MORN1: variants seen among roughly 807,000 people sequenced by gnomAD.
MORN1 encodes MORN repeat containing 1.
A neutral mutation model predicts 61.9 loss-of-function variants in MORN1; 67 were observed. The observed-to-expected ratio is 1.08, with a 90% CI of 0.89 to 1.33. The LOEUF is 1.33. Among genes scored for constraint, MORN1 ranks in the 40% most tolerant of loss-of-function variants. MORN1 has a pLI of 0.00. For missense variants in MORN1, 752 were observed against 691.2 expected, an observed-to-expected ratio of 1.09 and a Z score of -0.99; for synonymous variants, 301 against 292.0, an observed-to-expected ratio of 1.03 and a Z score of -0.31.
intron 8 of MORN1, among the ~76,000 whole-genome samples, chr1:2,364,652 T>C (rs1293359659): frequency 2.0e-5 from 3 of 150,678 alleles, no homozygotes; most frequent in South Asian, 4.3e-4. Context: ...ATGTCCTGAA[T>C]GGTAAAGCCT....
At chr1:2,324,231 C>T in intron 12 of MORN1, 88 bp from the exon 13 acceptor site, 1 of 1,399,438 alleles carries the variant, frequency 7.1e-7, no homozygotes, top group Non-Finnish European at 9.8e-7. Flanking sequence ...GCTAGTGGCT[C>T]CAGGGCAGAT....
In MORN1 at chr1:2,372,091, G is replaced by A; in HGVS notation, c.745+390C>T. 1 of 230,992 alleles carries A rather than the reference G, an allele frequency of 4.3e-6. No homozygotes were observed. Among genetic ancestry groups the A allele is most frequent in the Non-Finnish European group, 8.8e-6 (1 of 114,086 alleles). The allele number at this position is 230,992 out of a possible 1,614,324, so 14.3% of individuals were successfully genotyped here. A position where few individuals can be genotyped will look rare whatever the true frequency, so the allele number is the denominator to read the frequency against. ...CTGCGATGGCCAGCAGCGGATGAGT[G>A]GGGAAGCAGAAAGTAGCCCCTCACT... On this transcript the variant is annotated intron_variant, in intron 8 of 13. Transcript: ENST00000378531. This position sits in a 1 kb window ranked among gnomAD's most constrained non-coding sequence, Gnocchi z 5.4.
At chr1:2,383,561 T>A (rs1642418844) in intron 6 of MORN1, among the ~76,000 whole-genome samples, 1 of 152,202 alleles carries the variant, frequency 6.6e-6, no homozygotes, top group Non-Finnish European at 1.5e-5. Flanking sequence ...ACCCACACAA[T>A]TAAATGTTGC....
intron 12 of MORN1, among the ~76,000 whole-genome samples, chr1:2,335,197 C>G (rs1312788706): frequency 6.6e-6 from 1 of 152,276 alleles, no homozygotes; most frequent in African/African-American, 2.4e-5. Context: ...CGAGCGTTCC[C>G]CACGAGGGGC....
intron 12 of MORN1, among the ~76,000 whole-genome samples, chr1:2,335,731 G>A: frequency 6.6e-6 from 1 of 152,076 alleles, no homozygotes; most frequent in Non-Finnish European, 1.5e-5. Flanking sequence ...TGGTCACTCT[G>A]CGAGCAACCC....
chr1:2,388,470 C>G (rs142787630), intron 2 of MORN1, 133 bp from the exon 3 acceptor site: 25 of 661,178 alleles, frequency 3.8e-5, no homozygotes, highest in African/African-American at 2.7e-4. Context: ...ATCACTCATG[C>G]TATACATGTA....
intron 10 of MORN1, among the ~76,000 whole-genome samples, chr1:2,344,019 C>A (rs1641457547): frequency 6.6e-6 from 1 of 152,092 alleles, no homozygotes. Context: ...GGACAACTTC[C>A]CTGGGACCTC....
At chr1:2,345,829 C>CCACA (rs57669691) in intron 10 of MORN1, among the ~76,000 whole-genome samples, 2,471 of 149,056 alleles carry the variant, frequency 0.017, 38 homozygotes, top group Middle Eastern at 0.041. Flanking sequence ...ATGTATGCGG[C>CCACA]CACACACACA....
chr1:2,374,776 G>A (rs1477995550), intron 6 of MORN1: 1 of 519,438 alleles, frequency 1.9e-6, no homozygotes, highest in Non-Finnish European at 3.4e-6. Flanking sequence ...TACTCCCTTT[G>A]GAATTTTAAC....
At chr1:2,323,866 G>A in intron 13 of MORN1, 1 of 985,246 alleles carries the variant, frequency 1.0e-6, no homozygotes, top group Non-Finnish European at 1.2e-6. Flanking sequence ...CAAGGGCTGT[G>A]TCGGCCCAGC....
chr1:2,324,038 G>T, intron 13 of MORN1, 59 bp downstream of exon 13: 2 of 1,541,586 alleles, frequency 1.3e-6, no homozygotes, highest in Non-Finnish European at 1.7e-6. Context: ...CCTGGGCTGC[G>T]GCCTCGCCTC....
intron 1 of MORN1, among the ~76,000 whole-genome samples, chr1:2,390,197 T>C (rs1642613062): frequency 6.6e-6 from 1 of 152,178 alleles, no homozygotes; most frequent in Non-Finnish European, 1.5e-5. Flanking sequence ...TTTGTTTATG[T>C]GACAAGGATG....
chr1:2,357,667 G>T lies in MORN1; in HGVS notation c.870-69C>A. ...AAACTAGGGTGCAGGCAGACAGCGT[G>T]GCCCACGCCCTGGACCCTGGGACTT... On this transcript the variant is annotated intron_variant, in intron 9 of 13. Transcript: ENST00000378531. This position sits in a 1 kb window ranked among gnomAD's most constrained non-coding sequence, Gnocchi z 6.3. 5 of 1,506,508 alleles carry T rather than the reference G, an allele frequency of 3.3e-6. No individual in the cohort carries two copies. The South Asian group carries it at 6.6e-5, about 20-fold the overall frequency. 93.3% of individuals were successfully genotyped at this position (1,506,508 alleles called of 1,614,324 possible).
At chr1:2,354,671 G>A (rs1473565778) in intron 10 of MORN1, among the ~76,000 whole-genome samples, 2 of 152,218 alleles carry the variant, frequency 1.3e-5, no homozygotes, top group Non-Finnish European at 2.9e-5. Flanking sequence ...GGCGCCCCCT[G>A]CACAGGCCTG....
intron 8 of MORN1, among the ~76,000 whole-genome samples, chr1:2,366,647 C>T (rs899792723): frequency 1.3e-5 from 2 of 152,202 alleles, no homozygotes; most frequent in East Asian, 3.9e-4. Context: ...CCTCAGCCTC[C>T]CAAGTAGCTG....
rs574948648 is a variant in MORN1 at position 2,373,142 on chromosome 1, C to A, written c.635-551G>T. On this transcript the variant is annotated intron_variant, in intron 7 of 13. Coordinates refer to ENST00000378531, the MANE Select transcript of MORN1 (RefSeq NM_024848.3). ...TCCTGCTGCCCACCGCCCCTGCCCC[C>A]ACCTGCCATCCCTGACTCTCCCCTA... is the stretch of plus-strand genomic sequence containing the variant. Among the ~76,000 whole-genome samples the A allele has an allele frequency of 1.3e-3, 200 of 152,378 alleles. 5 individuals are homozygous for A. The South Asian group carries it at 0.04, about 31-fold the overall frequency.
At chr1:2,360,874 C>T (rs1641878490) in intron 8 of MORN1, among the ~76,000 whole-genome samples, 1 of 152,204 alleles carries the variant, frequency 6.6e-6, no homozygotes, top group Non-Finnish European at 1.5e-5. Flanking sequence ...TCAGAAGGGT[C>T]TTGCCACAGT....
chr1:2,347,430 G>A (rs1020654244), intron 10 of MORN1, among the ~76,000 whole-genome samples: 26 of 152,188 alleles, frequency 1.7e-4, no homozygotes, highest in Non-Finnish European at 3.7e-4. Flanking sequence ...ACTCCATGGA[G>A]GGCACTGGTC....
rs541263176 is a variant in MORN1 at position 2,341,015 on chromosome 1, G to A, written c.1037-4165C>T. On this transcript the variant is annotated intron_variant, in intron 10 of 13. Coordinates refer to ENST00000378531, the MANE Select transcript of MORN1 (RefSeq NM_024848.3). ...TCCTACGGTCCTCTCCTCCTTGCAC[G>A]TCTCCACCCGGCCCCTCTGGCCCTG... Among the ~76,000 whole-genome samples, 7 of 152,368 alleles carry A rather than the reference G, an allele frequency of 4.6e-5. No homozygotes were observed. In the South Asian group the frequency reaches 6.2e-4, roughly 14 times the overall value.
Sources: allele counts gnomAD v4.1 joint callset (sites outside exome capture counted in the v4.1 genomes callset), GRCh38; gene constraint gnomAD v4.1.1; non-coding constraint Gnocchi (gnomAD v3.1); transcripts MANE v1.5; gene names NCBI Gene and HGNC (gene_info 2026-07-23, HGNC 2026-07-21).